Variants in TMCC3 observed in about 807,000 individuals in gnomAD.
TMCC3 encodes the protein transmembrane and coiled-coil domain protein 3.
In TMCC3, 28 loss-of-function variants were observed where a neutral mutation model predicts 40.2. The ratio of observed to expected loss-of-function variants is 0.70; its 90% CI spans 0.52 to 0.95. The LOEUF is 0.95. Ranked by LOEUF, TMCC3 falls within the 40% of genes least tolerant of loss-of-function variation. TMCC3 has a pLI of 0.00. For missense variants in TMCC3, 554 were observed against 615.2 expected, an observed-to-expected ratio of 0.90 and a Z score of 1.05; for synonymous variants, 255 against 248.5, an observed-to-expected ratio of 1.03 and a Z score of -0.25.
At chr12:94,587,068 T>C (rs1273937363) in intron 1 of TMCC3, among the ~76,000 whole-genome samples, 1 of 152,210 alleles carries the variant, frequency 6.6e-6, no homozygotes, top group Non-Finnish European at 1.5e-5. Context: ...AAACTGAAAT[T>C]ACATGTGCGT....
chr12:94,627,512 C>T (rs1402410928), intron 1 of TMCC3, among the ~76,000 whole-genome samples: 1 of 152,194 alleles, frequency 6.6e-6, no homozygotes, highest in African/African-American at 2.4e-5. Context: ...AACTGGCCTC[C>T]CCACCACCTC....
In TMCC3 at chr12:94,650,553, C is replaced by CCTCT. The variant is rs2069052150; in HGVS notation, c.-127_-124dup. 1 of 778,316 alleles carries CCTCT rather than the reference C, an allele frequency of 1.3e-6. No homozygotes were observed. Among genetic ancestry groups the CCTCT allele is most frequent in the Non-Finnish European group, 1.7e-6 (1 of 589,576 alleles). The allele number at this position is 778,316 out of a possible 1,614,324, so 48.2% of individuals were successfully genotyped here. On this transcript the variant is annotated 5_prime_UTR_variant, in exon 1 of 4. Transcript: ENST00000261226. ...GGCGGCGCGGCTGCTGCAGCTGTTG[C>CCTCT]CTCTGGTGCCAACACCCGCGCGGCC...
rs571634801 is a variant in TMCC3 at position 94,568,873 on chromosome 12, G to A, written c.*2562C>T. The A allele has an allele frequency of 2.8e-4, 42 of 152,342 alleles. 1 individual carries two copies. The highest frequency in any genetic ancestry group is 9.6e-4 in the African/African-American group (40 of 41,574). The allele number at this position is 152,342 out of a possible 1,614,324, so 9.4% of individuals were successfully genotyped here. A position where few individuals can be genotyped will look rare whatever the true frequency, so the allele number is the denominator to read the frequency against. On this transcript the variant is annotated 3_prime_UTR_variant, in exon 4 of 4. Transcript: ENST00000261226. ...AAAGGAATTCATGATCCAGGTAGGAGGATTTAGATCCTACGGTATGTTAGA... is the reference window on the plus strand; with the variant it reads ...AAAGGAATTCATGATCCAGGTAGGAAGATTTAGATCCTACGGTATGTTAGA...
At chr12:94,572,147 G>C (rs777684483) in intron 3 of TMCC3, among the ~76,000 whole-genome samples, 4 of 148,188 alleles carry the variant, frequency 2.7e-5, no homozygotes, top group African/African-American at 7.5e-5. Context: ...CTACAGGTGC[G>C]CACCACCATG....
At chr12:94,580,743 C>T (rs565503067) in intron 2 of TMCC3, among the ~76,000 whole-genome samples, 1 of 151,918 alleles carries the variant, frequency 6.6e-6, no homozygotes, top group South Asian at 2.1e-4. Context: ...CTCAAACAAA[C>T]AAACAAACAA....
At chr12:94,630,503 C>A (rs1248221539) in intron 1 of TMCC3, among the ~76,000 whole-genome samples, 3 of 152,188 alleles carry the variant, frequency 2.0e-5, no homozygotes, top group Admixed American at 1.3e-4. Context: ...AGTCGCTTAA[C>A]CCCTGTTTGA....
At chr12:94,604,032 T>G (rs1170200077) in intron 1 of TMCC3, among the ~76,000 whole-genome samples, 1 of 152,232 alleles carries the variant, frequency 6.6e-6, no homozygotes, top group Non-Finnish European at 1.5e-5. Flanking sequence ...TATTTGTTTT[T>G]AGAATACTAA....
intron 3 of TMCC3, 23 bp from the exon 4 acceptor site, chr12:94,571,760 G>C: frequency 6.2e-7 from 1 of 1,610,558 alleles, no homozygotes; most frequent in South Asian, 1.1e-5. Flanking sequence ...GGGAGAGCAA[G>C]GGTCAAACGG....
At chr12:94,649,818 G>GTTT (rs2069043396) in intron 1 of TMCC3, among the ~76,000 whole-genome samples, 3 of 152,278 alleles carry the variant, frequency 2.0e-5, no homozygotes, top group African/African-American at 7.2e-5. Context: ...CGGAGAGGCA[G>GTTT]CGCAAAGATT....
At chr12:94,573,819 C>T (rs1291091608) in intron 3 of TMCC3, among the ~76,000 whole-genome samples, 3 of 124,908 alleles carry the variant, frequency 2.4e-5, no homozygotes, top group Non-Finnish European at 5.5e-5. Context: ...GTGCCTCCCC[C>T]ACTCCATCCC....
chr12:94,609,102 C>A (rs1478180823), intron 1 of TMCC3, among the ~76,000 whole-genome samples: 1 of 152,010 alleles, frequency 6.6e-6, no homozygotes, highest in Non-Finnish European at 1.5e-5. Flanking sequence ...GTGGCATGCA[C>A]CTGTAGTCTC....
At position 94,578,389 on chromosome 12, in the gene TMCC3, G is replaced by A; in HGVS notation, c.1131+5C>T. 1 of 1,613,096 alleles carries A rather than the reference G, an allele frequency of 6.2e-7. No individual in the cohort carries two copies. Among genetic ancestry groups the A allele is most frequent in the Non-Finnish European group, 8.5e-7 (1 of 1,179,388 alleles). On this transcript the variant is annotated splice_donor_5th_base_variant and intron_variant, in intron 3 of 3. Transcript: ENST00000261226. ...GCCTGTGTCTAATCACAAAGGGAAA[G>A]GTACCTGGATGTCCCGCGAGCGCTC...
At chr12:94,583,418 C>G (rs554279793) in intron 1 of TMCC3, among the ~76,000 whole-genome samples, 11 of 152,106 alleles carry the variant, frequency 7.2e-5, no homozygotes, top group South Asian at 4.2e-4. Flanking sequence ...GCAGGAGAAT[C>G]ACTTGAACCC....
At chr12:94,582,808 G>A (rs1162660210) in intron 1 of TMCC3, among the ~76,000 whole-genome samples, 1 of 152,040 alleles carries the variant, frequency 6.6e-6, no homozygotes, top group East Asian at 1.9e-4. Flanking sequence ...CTGGCTCCCA[G>A]GGTAGAAAAC....
intron 1 of TMCC3, among the ~76,000 whole-genome samples, chr12:94,593,359 TAAA>T (rs372651534): frequency 2.3e-5 from 1 of 44,188 alleles, no homozygotes; most frequent in Non-Finnish European, 4.3e-5. Flanking sequence ...AGGCTCCATC[TAAA>T]AAAAAAAAAA....
rs1310508145 is a variant in TMCC3, at chr12:94,582,217, C to G, written c.400G>C (p.Glu134Gln). 3 of 1,614,074 alleles carry G rather than the reference C, an allele frequency of 1.9e-6. No homozygotes were observed. The highest frequency in any genetic ancestry group is 2.5e-6 in the Non-Finnish European group (3 of 1,180,052). The change falls in exon 2 of 4, where the codon GAG becomes CAG. Residue 134 changes from glutamate to glutamine, a missense_variant. By Grantham distance (29) the Glu-to-Gln change is conservative. Transcript: ENST00000261226. ...TCTCTGAGCTTTCGATGATACTGCT[C>G]TAACTTCTTCTGCAGCTGGGCGATG... Reference protein sequence around the residue: ...HSIAQLQKKLEQYHRKLREIE... With the variant: ...HSIAQLQKKLQQYHRKLREIE...
intron 1 of TMCC3, among the ~76,000 whole-genome samples, chr12:94,582,978 TTTTTTTTTTTTTTTTTA>T (rs1426295841): frequency 3.0e-5 from 2 of 66,868 alleles, no homozygotes; most frequent in African/African-American, 2.6e-4. Context: ...TTTTTTTTTT[TTTTTTTTTTTTTTTTTA>T]AAAAAGAAAG....
At chr12:94,620,809 G>C (rs1180639985) in intron 1 of TMCC3, among the ~76,000 whole-genome samples, 1 of 152,170 alleles carries the variant, frequency 6.6e-6, no homozygotes, top group African/African-American at 2.4e-5. Context: ...CATTAACCAG[G>C]TCAGGGTATT....
chr12:94,590,885 G>A, intron 1 of TMCC3: 1 of 577,738 alleles, frequency 1.7e-6, no homozygotes, highest in South Asian at 1.4e-5. Flanking sequence ...GATGTTATCG[G>A]GCTCAGCCTA....
Sources: gnomAD v4.1 joint callset for allele counts (sites outside exome capture counted in the v4.1 genomes callset) on GRCh38, gnomAD v4.1.1 for gene constraint, MANE v1.5 for transcripts, NCBI Gene and HGNC (gene_info 2026-07-23, HGNC 2026-07-21) for gene names.